ZZEF1: variants seen among roughly 807,000 people sequenced by gnomAD.
ZZEF1 encodes zinc finger ZZ-type and EF-hand domain-containing protein 1.
ZZEF1 carries 157 observed loss-of-function variants against 342.8 expected under a neutral mutation model. The ratio of observed to expected loss-of-function variants is 0.46; its 90% CI spans 0.40 to 0.52. The LOEUF (loss-of-function observed/expected upper bound fraction) is 0.52. Ranked by LOEUF, ZZEF1 falls within the 20% of genes least tolerant of loss-of-function variation. ZZEF1 has a pLI of 0.00. For synonymous variants in ZZEF1, 1,505 were observed against 1,429.1 expected (o/e 1.05, Z -1.20); for missense variants, 3,480 against 3,725.6 (o/e 0.93, Z 1.72).
intron 30 of ZZEF1, 116 bp downstream of exon 30, chr17:4,062,637 A>C (rs1374963535): frequency 8.1e-7 from 1 of 1,229,290 alleles, no homozygotes; most frequent in Non-Finnish European, 1.1e-6. Flanking sequence ...AATTAACCAA[A>C]AACGTACATT....
chr17:4,044,279 G>A lies in ZZEF1; in HGVS notation c.6111C>T (p.Cys2037=), dbSNP rs2056863177. ...KGVSLSKDPS[C]QTQISDSPAD... Reference sequence around the variant, plus strand: ...CAGGTGAATCTGAAATTTGGGTCTGGCATGAAGGATCCTTCGATAATGATA... The same window carrying A: ...CAGGTGAATCTGAAATTTGGGTCTGACATGAAGGATCCTTCGATAATGATA... Residue 2037 remains cysteine (C), a synonymous_variant, in exon 38 of 55, where the codon TGC becomes TGT. Transcript: ENST00000381638. 1 of 1,614,036 alleles carries A rather than the reference G, an allele frequency of 6.2e-7. No individual in the cohort carries two copies. Among genetic ancestry groups the A allele is most frequent in the Admixed American group, 1.7e-5 (1 of 60,010 alleles).
At chr17:4,018,426 CCTTT>C (rs758314839) in intron 46 of ZZEF1, among the ~76,000 whole-genome samples, 71 of 152,072 alleles carry the variant, frequency 4.7e-4, no homozygotes, top group Non-Finnish European at 4.4e-4. Context: ...CCCCTTCTCT[CCTTT>C]TTTTTTTAAA....
Position 4,082,426 on chromosome 17 carries a change from G to C in ZZEF1, c.2714+11C>G. Reference sequence around the variant, plus strand: ...GAGTTATCCGACAATTAAAAAGAACGATCAGCTTACCTAAAATACGTGCAC... The same window carrying C: ...GAGTTATCCGACAATTAAAAAGAACCATCAGCTTACCTAAAATACGTGCAC... On this transcript the variant is annotated intron_variant, in intron 17 of 54. Transcript: ENST00000381638. 2 of 1,613,498 alleles carry C rather than the reference G, an allele frequency of 1.2e-6. No individual in the cohort carries two copies. Among genetic ancestry groups the C allele is most frequent in the Non-Finnish European group, 1.7e-6 (2 of 1,179,536 alleles).
chr17:4,093,164 A>C (rs8081103), intron 11 of ZZEF1, among the ~76,000 whole-genome samples: 3,806 of 152,144 alleles, frequency 0.025, 146 homozygotes, highest in African/African-American at 0.087. Flanking sequence ...GATGTAAAAG[A>C]CCTTGTTTAA....
Position 4,006,825 on chromosome 17 carries a change from G to A in ZZEF1, c.*65C>T, listed in dbSNP as rs563975223. 2.6e-6 allele frequency: 4 copies of A among 1,511,214 alleles called. No homozygotes were observed. The highest frequency in any genetic ancestry group is 2.4e-5 in the East Asian group (1 of 40,838). 93.6% of individuals were successfully genotyped at this position (1,511,214 alleles called of 1,614,324 possible). A position where few individuals can be genotyped will look rare whatever the true frequency, so the allele number is the denominator to read the frequency against. ...GCGCTACAGGAGTTTTCCTGAATGA[G>A]GTTAGATGTCTGCTCTAAAATCCCT... is the stretch of plus-strand genomic sequence containing the variant. On this transcript the variant is annotated 3_prime_UTR_variant, in exon 55 of 55. Transcript: ENST00000381638.
intron 2 of ZZEF1, among the ~76,000 whole-genome samples, chr17:4,118,464 A>G (rs183119742): frequency 6.6e-6 from 1 of 152,306 alleles, no homozygotes; most frequent in African/African-American, 2.4e-5. Context: ...CAAAGGCTCC[A>G]AACAGCATCC....
chr17:4,080,511 A>C (rs1249934227), intron 18 of ZZEF1, among the ~76,000 whole-genome samples: 2 of 151,982 alleles, frequency 1.3e-5, no homozygotes, highest in African/African-American at 4.8e-5. Context: ...AGCTAATTTT[A>C]TATTTTTAGT....
At chr17:4,137,179 T>G (rs1289537318) in intron 1 of ZZEF1, among the ~76,000 whole-genome samples, 6 of 152,078 alleles carry the variant, frequency 3.9e-5, no homozygotes, top group African/African-American at 1.4e-4. Context: ...CATGGTGAGG[T>G]GGTATTTTGG....
At chr17:4,097,114 ATCCAGGTGTGG>A (rs2058048178) in intron 9 of ZZEF1, among the ~76,000 whole-genome samples, 1 of 151,962 alleles carries the variant, frequency 6.6e-6, no homozygotes, top group African/African-American at 2.4e-5. Flanking sequence ...ACAAAAAATT[ATCCAGGTGTGG>A]TGGCGGGCGC....
At position 4,064,738 on chromosome 17, in the gene ZZEF1, A is replaced by G; in HGVS notation, c.4341T>C (p.Ala1447=). The change falls in exon 29 of 55, where the codon GCT becomes GCC. Residue 1447 remains alanine (A), a synonymous_variant. Coordinates refer to ENST00000381638, the MANE Select transcript of ZZEF1 (RefSeq NM_015113.4). ...GTGGCTGGAGATGACTGGTTTCATC[A>G]GCAGTCTCCAACTTTTCGCAGCTTT... ...SKESCEKLET[A]DETSHLQPLN... 1 of 1,614,122 alleles carries G rather than the reference A, an allele frequency of 6.2e-7. No individual in the cohort carries two copies. The highest frequency in any genetic ancestry group is 8.5e-7 in the Non-Finnish European group (1 of 1,180,036).
chr17:4,124,795 T>G (rs2058548241), intron 1 of ZZEF1, among the ~76,000 whole-genome samples: 1 of 152,096 alleles, frequency 6.6e-6, no homozygotes, highest in African/African-American at 2.4e-5. Flanking sequence ...AGAGCTAACT[T>G]GGTTTATCTG....
Position 4,094,566 on chromosome 17 carries a change from C to T in ZZEF1, c.1913+1265G>A, listed in dbSNP as rs1050931752. On this transcript the variant is annotated intron_variant, in intron 11 of 54. Transcript: ENST00000381638. Reference sequence around the variant, plus strand: ...TGGCTACCGATTATCCATTGGCTACCGAACACCTCAAAGGTTTCTCAGAAC... The same window carrying T: ...TGGCTACCGATTATCCATTGGCTACTGAACACCTCAAAGGTTTCTCAGAAC... Among the ~76,000 whole-genome samples the T allele has an allele frequency of 5.9e-5, 9 of 152,144 alleles. No homozygotes were observed. The South Asian group carries it at 8.3e-4, about 14-fold the overall frequency.
At chr17:4,118,996 G>C (rs1489084440) in intron 2 of ZZEF1, among the ~76,000 whole-genome samples, 1 of 152,212 alleles carries the variant, frequency 6.6e-6, no homozygotes, top group Non-Finnish European at 1.5e-5. Flanking sequence ...ACAATATTAT[G>C]ACGTGAAGCT....
chr17:4,056,018 G>A (rs543255265), intron 33 of ZZEF1, among the ~76,000 whole-genome samples, 198 bp downstream of exon 33: 53 of 152,288 alleles, frequency 3.5e-4, no homozygotes, highest in South Asian at 2.7e-3. Flanking sequence ...GACAGGAGGC[G>A]GAGCTCAGCC....
intron 29 of ZZEF1, among the ~76,000 whole-genome samples, chr17:4,063,443 T>TA (rs2057325147): frequency 6.6e-6 from 1 of 152,236 alleles, no homozygotes; most frequent in South Asian, 2.1e-4. Flanking sequence ...CTCCCTGGGT[T>TA]AAAATAAGAC....
At chr17:4,093,075 G>A (rs2057974120) in intron 11 of ZZEF1, among the ~76,000 whole-genome samples, 1 of 152,136 alleles carries the variant, frequency 6.6e-6, no homozygotes, top group South Asian at 2.1e-4. Flanking sequence ...AGTCATTCAG[G>A]CTGGAATCAG....
intron 1 of ZZEF1, among the ~76,000 whole-genome samples, chr17:4,129,297 G>A (rs561334371): frequency 1.8e-4 from 28 of 152,218 alleles, no homozygotes; most frequent in Middle Eastern, 3.4e-3. Flanking sequence ...AAATTAGTTC[G>A]ATCACTGTGG....
intron 18 of ZZEF1, 44 bp from the exon 19 acceptor site, chr17:4,078,086 T>C: frequency 6.3e-7 from 1 of 1,590,080 alleles, no homozygotes; most frequent in Middle Eastern, 1.8e-4. Context: ...GACAAGGCCA[T>C]TCACAGAGCA....
chr17:4,039,946 G>A (rs2145101260), intron 39 of ZZEF1, among the ~76,000 whole-genome samples: 1 of 152,164 alleles, frequency 6.6e-6, no homozygotes, highest in African/African-American at 2.4e-5. Flanking sequence ...GCCCAGCCGA[G>A]AACATCTTTT....
Sources: allele counts gnomAD v4.1 joint callset (sites outside exome capture counted in the v4.1 genomes callset), GRCh38; gene constraint gnomAD v4.1.1; transcripts MANE v1.5; gene names NCBI Gene and HGNC (gene_info 2026-07-23, HGNC 2026-07-21).